The following ADCY5 variants were observed in gnomAD, a reference collection of about 807,000 sequenced individuals.
The protein encoded by ADCY5 is adenylate cyclase type 5.
ADCY5 carries 30 observed loss-of-function variants against 119.7 expected under a neutral mutation model. That is an observed-to-expected ratio of 0.25 (90% CI 0.19 to 0.34). ADCY5 has a LOEUF of 0.34. ADCY5 is among the 10% of genes least tolerant of loss of function. ADCY5 has a pLI of 1.00. For missense variants in ADCY5, 1,324 were observed against 1,775.2 expected (o/e 0.75, Z 4.57); for synonymous variants, 753 against 762.2 (o/e 0.99, Z 0.20).
At chr3:123,368,122 T>G in intron 1 of ADCY5, 1 of 1,257,664 alleles carries the variant, frequency 8.0e-7, no homozygotes, top group Non-Finnish European at 1.1e-6. Flanking sequence ...GCCAGTCTTG[T>G]GACTCGGAGC....
intron 1 of ADCY5, among the ~76,000 whole-genome samples, chr3:123,433,708 C>A (rs912835198): frequency 3.3e-5 from 5 of 152,130 alleles, no homozygotes; most frequent in Non-Finnish European, 7.3e-5. Flanking sequence ...CCGGGTCAGA[C>A]TTCCAGGGCT....
intron 3 of ADCY5, among the ~76,000 whole-genome samples, chr3:123,346,290 C>T (rs1357315654): frequency 1.3e-5 from 2 of 152,234 alleles, no homozygotes; most frequent in Non-Finnish European, 2.9e-5. Flanking sequence ...GCTGCAACCC[C>T]CTCAGGTCCT....
At chr3:123,401,534 G>A (rs1576669128) in intron 1 of ADCY5, among the ~76,000 whole-genome samples, 2 of 152,232 alleles carry the variant, frequency 1.3e-5, no homozygotes, top group African/African-American at 4.8e-5. Flanking sequence ...GCTAAGCAGG[G>A]AAGGGAGAGA....
chr3:123,335,077 A>G (rs1283082293), intron 3 of ADCY5, among the ~76,000 whole-genome samples: 2 of 152,154 alleles, frequency 1.3e-5, no homozygotes, highest in Non-Finnish European at 2.9e-5. Context: ...CCCAGAGTCC[A>G]CTGCTGACGA....
intron 1 of ADCY5, among the ~76,000 whole-genome samples, chr3:123,361,893 G>A (rs1943261220): frequency 6.6e-6 from 1 of 152,106 alleles, no homozygotes; most frequent in Non-Finnish European, 1.5e-5. Context: ...CTTATGTGTG[G>A]AATTTTCCAC....
intron 19 of ADCY5, among the ~76,000 whole-genome samples, chr3:123,288,155 T>A (rs1938905384): frequency 6.6e-6 from 1 of 152,210 alleles, no homozygotes; most frequent in Non-Finnish European, 1.5e-5. Context: ...ACTGTGCCTA[T>A]GGGATAAAGC....
chr3:123,398,506 C>T (rs1211826416), intron 1 of ADCY5, among the ~76,000 whole-genome samples: 3 of 152,212 alleles, frequency 2.0e-5, no homozygotes, highest in Non-Finnish European at 4.4e-5. Flanking sequence ...CCAAACCATG[C>T]AGCACGCAGG....
intron 1 of ADCY5, among the ~76,000 whole-genome samples, chr3:123,419,717 C>T (rs181507673): frequency 6.6e-6 from 1 of 152,174 alleles, no homozygotes; most frequent in African/African-American, 2.4e-5. Context: ...TCCACTGCTC[C>T]CCCTGCCAGC....
rs1576567442 is a variant in ADCY5, at chr3:123,319,690, G to A, written c.2240C>T (p.Pro747Leu). The A allele has an allele frequency of 6.2e-7, 1 of 1,614,202 alleles. No individual in the cohort carries two copies. The highest frequency in any genetic ancestry group is 1.1e-5 in the South Asian group (1 of 91,080). The change falls in exon 10 of 21, where the codon CCT (proline) becomes CTT (leucine). Residue 747 changes from proline (P) to leucine (L), a missense_variant. Around this residue, in one of 6 missense-constraint regions of ADCY5, gnomAD observed 424 missense variants for 546.8 expected, o/e 0.78. Transcript: ENST00000462833. ...GTGCTGTACCTTCTTCTCTAAGTCA[G>A]GCTCCCTGAAGGTCAGGAGGAACTT... Reference protein sequence around the residue: ...VRKFLLTFREPDLEKKYSKQV... With the variant: ...VRKFLLTFRELDLEKKYSKQV...
intron 15 of ADCY5, 117 bp from the exon 16 acceptor site, chr3:123,297,499 C>T (rs1939593487): frequency 5.1e-6 from 6 of 1,167,230 alleles, no homozygotes; most frequent in South Asian, 4.9e-5. Context: ...CTCCTTGGCT[C>T]CCCAGCCCCA....
At chr3:123,297,221 C>CCTGT (rs2108231428) in intron 16 of ADCY5, 132 bp downstream of exon 16, 1 of 1,412,870 alleles carries the variant, frequency 7.1e-7, no homozygotes, top group African/African-American at 1.4e-5. Flanking sequence ...AACCAGCCTC[C>CCTGT]CTGTCCTGTT....
At chr3:123,312,146 C>T (rs1440275123) in intron 12 of ADCY5, among the ~76,000 whole-genome samples, 1 of 152,120 alleles carries the variant, frequency 6.6e-6, no homozygotes, top group Non-Finnish European at 1.5e-5. Flanking sequence ...ATCAGTATAG[C>T]TCAGGTTCAC....
At chr3:123,370,246 C>T (rs969711590) in intron 1 of ADCY5, among the ~76,000 whole-genome samples, 3 of 152,186 alleles carry the variant, frequency 2.0e-5, no homozygotes, top group African/African-American at 4.8e-5. Context: ...ATCACACCAC[C>T]GCCCCCTTTA....
At chr3:123,308,855 CA>C (rs1011404621) in intron 12 of ADCY5, among the ~76,000 whole-genome samples, 2 of 87,732 alleles carry the variant, frequency 2.3e-5, no homozygotes, top group Admixed American at 2.2e-4. Context: ...AAAGAAAAAA[CA>C]AAAAAACTAT....
intron 1 of ADCY5, among the ~76,000 whole-genome samples, chr3:123,379,325 T>C (rs1443830946): frequency 1.3e-5 from 2 of 151,272 alleles, no homozygotes. Context: ...GGTTAGGGGG[T>C]GATGCTGGTA....
Position 123,448,206 on chromosome 3 carries a change from C to A in ADCY5, c.340G>T (p.Gly114Cys). ...GCGCCCCGCCGCTGCCGGCGGCTGC[C>A]GCGACCGCAGTCGTCGCCGCCGCGC... is the stretch of plus-strand genomic sequence containing the variant. The part of the protein sequence containing the change: ...QERGGDDCGR[G>C]SRRQRRGAAS... The change falls in exon 1 of 21, where the codon GGC becomes TGC. Residue 114 changes from glycine to cysteine, a missense_variant. Coordinates refer to ENST00000462833, the MANE Select transcript of ADCY5 (RefSeq NM_183357.3). The A allele has an allele frequency of 2.4e-6, 3 of 1,273,222 alleles. No individual in the cohort carries two copies. The highest frequency in any genetic ancestry group is 3.0e-6 in the Non-Finnish European group (3 of 1,011,874). 78.9% of individuals were successfully genotyped at this position (1,273,222 alleles called of 1,614,324 possible).
At chr3:123,293,409 C>T (rs1274991587) in intron 17 of ADCY5, among the ~76,000 whole-genome samples, 1 of 152,184 alleles carries the variant, frequency 6.6e-6, no homozygotes, top group Non-Finnish European at 1.5e-5. Context: ...GTGATGATGG[C>T]TCCCTCTCCC....
rs754791590 is a variant in ADCY5, at chr3:123,284,766, G to A, written c.3658-30C>T. On this transcript the variant is annotated intron_variant, in intron 20 of 20. Coordinates refer to ENST00000462833, the MANE Select transcript of ADCY5 (RefSeq NM_183357.3). ...GGGGGAACAGGAGGAGAGAGGGCAA[G>A]CCACTGATGGCCTTGGCCATGAACT... The A allele has an allele frequency of 6.8e-6, 11 of 1,613,568 alleles. No homozygotes were observed. In the African/African-American group the frequency reaches 1.5e-4, roughly 22 times the overall value.
intron 3 of ADCY5, among the ~76,000 whole-genome samples, chr3:123,347,173 G>A (rs1382191321): frequency 2.6e-5 from 4 of 152,038 alleles, no homozygotes; most frequent in Non-Finnish European, 2.9e-5. Flanking sequence ...ACTGTCCCAC[G>A]TTCTGGATTT....
Sources: gnomAD v4.1 joint callset for allele counts (sites outside exome capture counted in the v4.1 genomes callset) on GRCh38, gnomAD v4.1.1 for gene constraint, gnomAD v4.1.1 regional missense constraint, MANE v1.5 for transcripts, NCBI Gene and HGNC (gene_info 2026-07-23, HGNC 2026-07-21) for gene names.